MYH11: variants seen among roughly 807,000 people sequenced by gnomAD.
MYH11 encodes the protein myosin heavy chain 11.
A neutral mutation model predicts 246.6 loss-of-function variants in MYH11; 80 were observed. That is an observed-to-expected ratio of 0.32 (90% CI 0.27 to 0.39). The LOEUF (loss-of-function observed/expected upper bound fraction) is 0.39, where lower values mean the gene tolerates loss of function less well. Among genes scored for constraint, MYH11 ranks in the 10% least tolerant of loss-of-function variants. MYH11 has a pLI of 1.00. For missense variants in MYH11, 2,158 were observed against 2,546.8 expected (o/e 0.85, Z 3.29); for synonymous variants, 1,071 against 1,015.5 (o/e 1.05, Z -1.04).
At chr16:15,756,275 GTC>G in intron 14 of MYH11, 64 bp downstream of exon 14, 1 of 1,568,644 alleles carries the variant, frequency 6.4e-7, no homozygotes, top group South Asian at 1.1e-5. Context: ...CTCTCAGACT[GTC>G]TCTGCGCTGA....
chr16:15,815,226 A>G (rs1198245013), intron 3 of MYH11, among the ~76,000 whole-genome samples: 2 of 152,240 alleles, frequency 1.3e-5, no homozygotes, highest in African/African-American at 4.8e-5. Context: ...GAATCCCAAG[A>G]CATCTGAAGA....
At chr16:15,776,413 G>A (rs1013324416) in intron 7 of MYH11, among the ~76,000 whole-genome samples, 3 of 152,132 alleles carry the variant, frequency 2.0e-5, no homozygotes, top group African/African-American at 7.2e-5. Flanking sequence ...AGCATAAAAA[G>A]GCTCCAGGAA....
intron 14 of MYH11, 57 bp downstream of exon 14, chr16:15,756,284 C>T: frequency 2.5e-6 from 4 of 1,590,648 alleles, no homozygotes; most frequent in Non-Finnish European, 2.6e-6. Context: ...TGTCTCTGCG[C>T]TGAGCAGCCA....
At chr16:15,767,384 G>C (rs1413070371) in intron 9 of MYH11, among the ~76,000 whole-genome samples, 2 of 152,184 alleles carry the variant, frequency 1.3e-5, no homozygotes, top group African/African-American at 4.8e-5. Flanking sequence ...CCTAGTAGGT[G>C]ATAAAGAGTG....
intron 2 of MYH11, among the ~76,000 whole-genome samples, chr16:15,825,872 C>T (rs1403914564): frequency 1.3e-5 from 2 of 151,988 alleles, no homozygotes; most frequent in South Asian, 2.1e-4. Context: ...AACTGCTTTC[C>T]CCAAACGATA....
intron 28 of MYH11, 135 bp downstream of exon 28, chr16:15,726,713 T>C (rs2151224682): frequency 9.7e-7 from 1 of 1,027,524 alleles, no homozygotes; most frequent in Non-Finnish European, 1.5e-6. Context: ...TCATCGCCTC[T>C]CCTCCAGGAA....
At chr16:15,856,875 A>C (rs1172302437) in intron 1 of MYH11, 66 bp downstream of exon 1, 1 of 151,764 alleles carries the variant, frequency 6.6e-6, no homozygotes, top group African/African-American at 2.4e-5. Flanking sequence ...CCTATAGAAT[A>C]CCCTATAGGA....
At chr16:15,715,115 G>T in intron 39 of MYH11, 34 bp from the exon 40 acceptor site, 1 of 1,612,308 alleles carries the variant, frequency 6.2e-7, no homozygotes, top group Non-Finnish European at 8.5e-7. Context: ...GGTTAGGGGA[G>T]GCCGGCTGGG....
At chr16:15,790,357 C>G (rs1176308506) in intron 4 of MYH11, among the ~76,000 whole-genome samples, 1 of 151,478 alleles carries the variant, frequency 6.6e-6, no homozygotes, top group Non-Finnish European at 1.5e-5. Flanking sequence ...AAAACAAAGA[C>G]ATCAATGTGC....
At chr16:15,787,191 G>A (rs1166995297) in intron 4 of MYH11, among the ~76,000 whole-genome samples, 4 of 152,094 alleles carry the variant, frequency 2.6e-5, no homozygotes, top group Non-Finnish European at 4.4e-5. Flanking sequence ...AGGATCACTC[G>A]AGTCCAGGAG....
intron 40 of MYH11, among the ~76,000 whole-genome samples, chr16:15,704,707 G>C (rs1365404461): frequency 6.6e-6 from 1 of 150,926 alleles, no homozygotes; most frequent in Non-Finnish European, 1.5e-5. Flanking sequence ...CTGCTGGTGT[G>C]AATGTTCATG....
At chr16:15,826,553 A>G (rs941732412) in intron 2 of MYH11, among the ~76,000 whole-genome samples, 1 of 151,134 alleles carries the variant, frequency 6.6e-6, no homozygotes, top group African/African-American at 2.4e-5. Flanking sequence ...TGTGCCATGC[A>G]CTCCAGCCTG....
intron 4 of MYH11, among the ~76,000 whole-genome samples, chr16:15,789,607 C>T (rs184267616): frequency 2.0e-5 from 3 of 152,272 alleles, no homozygotes; most frequent in African/African-American, 7.2e-5. Flanking sequence ...GAAGTCCCAG[C>T]CCCACTCCAC....
At position 15,777,341 on chromosome 16, in the gene MYH11, G is replaced by A. The variant is rs145878693; in HGVS notation, c.791-1165C>T. Among the ~76,000 whole-genome samples, 404 of 152,182 alleles carry A rather than the reference G, an allele frequency of 2.7e-3. 5 individuals are homozygous for A. The highest frequency in any genetic ancestry group is 9.2e-3 in the African/African-American group (382 of 41,510). The stretch of plus-strand genomic sequence containing the variant: ...TTCACCATATTGGCCAGGTGGTCTC[G>A]AACTCCTGACCTCAAGTGGTCTGCC... On this transcript the variant is annotated intron_variant, in intron 7 of 40. Coordinates refer to ENST00000300036, the MANE Select transcript of MYH11 (RefSeq NM_002474.3).
At chr16:15,734,260 A>G (rs1004492764) in intron 26 of MYH11, among the ~76,000 whole-genome samples, 1 of 152,138 alleles carries the variant, frequency 6.6e-6, no homozygotes, top group Non-Finnish European at 1.5e-5. Flanking sequence ...GAATTTCTCA[A>G]GAATGTTAAC....
At chr16:15,833,358 G>GAAGA (rs2043796794) in intron 2 of MYH11, among the ~76,000 whole-genome samples, 1 of 130,710 alleles carries the variant, frequency 7.7e-6, no homozygotes, top group African/African-American at 3.1e-5. Context: ...AGAAAGAAAG[G>GAAGA]AAGAAAGAGA....
rs556048203 is a variant in MYH11 at position 15,765,313 on chromosome 16, AGACGGAT to A, written c.1034-1429_1034-1423del. Among the ~76,000 whole-genome samples, 786 of 152,216 alleles carry A rather than the reference AGACGGAT, an allele frequency of 5.2e-3. 12 individuals are homozygous for A. The highest frequency in any genetic ancestry group is 0.018 in the African/African-American group (733 of 41,522). On this transcript the variant is annotated intron_variant, in intron 9 of 40. Transcript: ENST00000300036. ...GATGAATAATTCATGGATAGAGGAT[AGACGGAT>A]GATGGATGGATGGATAGAGGATAGA...
At position 15,760,600 on chromosome 16, in the gene MYH11, G is replaced by A. The variant is rs764365411; in HGVS notation, c.1188C>T (p.Ile396=). 1 of 1,614,182 alleles carries A rather than the reference G, an allele frequency of 6.2e-7. No homozygotes were observed. Among genetic ancestry groups the A allele is most frequent in the East Asian group, 2.2e-5 (1 of 44,884 alleles). ...GCCCAACCTTGATACGAGGAGTGAG[G>A]ATGGATCTGGTGAAATCTGTCACAT... ...GINVTDFTRS[I]LTPRIKVGRD... is the part of the protein sequence containing the mutation. The change falls in exon 11 of 41, where the codon ATC becomes ATT. Residue 396 remains isoleucine, a synonymous_variant. Transcript: ENST00000300036.
intron 8 of MYH11, 106 bp from the exon 9 acceptor site, chr16:15,771,818 T>C (rs2151291577): frequency 2.1e-6 from 3 of 1,443,858 alleles, no homozygotes; most frequent in East Asian, 2.3e-5. Context: ...CCTTTCCCTT[T>C]ATCAAGGCTT....
Sources: allele counts gnomAD v4.1 joint callset (sites outside exome capture counted in the v4.1 genomes callset), GRCh38; gene constraint gnomAD v4.1.1; transcripts MANE v1.5; gene names NCBI Gene and HGNC (gene_info 2026-07-23, HGNC 2026-07-21).